Variants in ZNF584 observed in about 807,000 individuals in gnomAD.
ZNF584 encodes zinc finger protein 584.
ZNF584 carries 12 observed loss-of-function variants against 14.7 expected under a neutral mutation model. That is an observed-to-expected ratio of 0.82 (90% CI 0.52 to 1.32). The LOEUF (loss-of-function observed/expected upper bound fraction) is 1.32. Among genes scored for constraint, ZNF584 ranks in the 40% most tolerant of loss-of-function variants. The probability of loss-of-function intolerance (pLI) is 0.00; values close to 1 mark genes in which losing one functional copy is unlikely to be tolerated. For synonymous variants in ZNF584, 204 were observed against 190.9 expected (o/e 1.07, Z -0.57); for missense variants, 478 against 518.8 (o/e 0.92, Z 0.76).
At chr19:58,403,958 CAA>C (rs35295910), upstream of ZNF584, among the ~76,000 whole-genome samples, 42 of 80,050 alleles carry the variant, frequency 5.2e-4, no homozygotes, top group African/African-American at 1.4e-3. Flanking sequence ...AACTCCGTCT[CAA>C]AAAAAAAAAA....
upstream of ZNF584, chr19:58,408,575 G>GC (rs1291738106): frequency 6.6e-6 from 1 of 152,378 alleles, no homozygotes; most frequent in Non-Finnish European, 1.5e-5. Context: ...AGTCTGAACG[G>GC]CCCCACGTCG....
rs772151891 is a variant in ZNF584, at chr19:58,409,126, C to T, written c.-22C>T. 3.2e-5 allele frequency: 47 copies of T among 1,458,530 alleles called. No individual in the cohort carries two copies. In the East Asian group the frequency reaches 6.1e-4, roughly 19 times the overall value. The allele number at this position is 1,458,530 out of a possible 1,614,324, so 90.3% of individuals were successfully genotyped here. On this transcript the variant is annotated 5_prime_UTR_variant, in exon 1 of 4. The change creates a new upstream start codon in the 5' untranslated region. Coordinates refer to ENST00000306910, the MANE Select transcript of ZNF584 (RefSeq NM_173548.3). ...CGGCTGAGGCCGTGGGTCCAGTCCACGGGTTCTGCCCGCACGGTCCAATGG... is the reference window on the plus strand; with the variant it reads ...CGGCTGAGGCCGTGGGTCCAGTCCATGGGTTCTGCCCGCACGGTCCAATGG...
Position 58,417,416 on chromosome 19 carries a change from T to G in ZNF584, c.898T>G (p.Cys300Gly), listed in dbSNP as rs776871177. Residue 300 changes from cysteine to glycine, a missense_variant, in exon 4 of 4, where the codon TGT becomes GGT. By Grantham distance (159) the Cys-to-Gly change is radical. This residue lies in a region of ZNF584 where 283 missense variants were observed against 317.3 expected (regional missense o/e 0.89). Transcript: ENST00000306910. ...GCACATTGGAGAAAGGCCCTATGAGTGTACAGAATGTGGGAAGTTCTTTAA... is the reference window on the plus strand; with the variant it reads ...GCACATTGGAGAAAGGCCCTATGAGGGTACAGAATGTGGGAAGTTCTTTAA... Reference protein sequence around the residue: ...KVHIGERPYECTECGKFFKYN... With the variant: ...KVHIGERPYEGTECGKFFKYN... 6.2e-6 allele frequency: 10 copies of G among 1,603,482 alleles called. No individual in the cohort carries two copies. Among genetic ancestry groups the G allele is most frequent in the Admixed American group, 3.3e-5 (2 of 59,836 alleles).
At chr19:58,407,652 C>T (rs1013740625), upstream of ZNF584, among the ~76,000 whole-genome samples, 1 of 152,226 alleles carries the variant, frequency 6.6e-6, no homozygotes, top group Admixed American at 6.5e-5. Flanking sequence ...TGCCAGTGGT[C>T]TCACCCAGCA....
chr19:58,409,874 C>A, intron 1 of ZNF584, 67 bp from the exon 2 acceptor site: 2 of 1,597,632 alleles, frequency 1.3e-6, no homozygotes. Context: ...AGATACAGGT[C>A]AAGGGCCTGA....
Position 58,409,909 on chromosome 19 carries a change from G to T in ZNF584, c.19-32G>T, listed in dbSNP as rs1419515021. Reference sequence around the variant, plus strand: ...AATGTGTCCATCTGTCCATATTTTGGTTGTTTTTTTCTGCCCATCATTGAC... The same window carrying T: ...AATGTGTCCATCTGTCCATATTTTGTTTGTTTTTTTCTGCCCATCATTGAC... On this transcript the variant is annotated intron_variant, in intron 1 of 3. Transcript: ENST00000306910. 11 of 1,613,992 alleles carry T rather than the reference G, an allele frequency of 6.8e-6. 1 individual carries two copies. In the South Asian group the frequency reaches 9.9e-5, roughly 14 times the overall value.
At chr19:58,409,195 G>GGGGC in intron 1 of ZNF584, 30 bp downstream of exon 1, 1 of 1,410,984 alleles carries the variant, frequency 7.1e-7, no homozygotes, top group South Asian at 1.6e-5. Flanking sequence ...GAGGAATGAG[G>GGGGC]GGGCCCACCA....
At chr19:58,415,701 G>A in intron 3 of ZNF584, 55 bp downstream of exon 3, 2 of 1,608,390 alleles carry the variant, frequency 1.2e-6, no homozygotes, top group Non-Finnish European at 1.7e-6. Context: ...ACAGAATGCT[G>A]AGTACCTGCA....
rs2052500965 is a variant in ZNF584, at chr19:58,408,806, C to T, written c.-342C>T. ...CTCGGCGGGAAGGCTGTCCCGGCGC[C>T]TCAGGCAGCTCTGCGTGGGCCGGGG... On this transcript the variant is annotated 5_prime_UTR_variant, in exon 1 of 4. Coordinates refer to ENST00000306910, the MANE Select transcript of ZNF584 (RefSeq NM_173548.3). 3.8e-6 allele frequency: 1 copy of T among 262,178 alleles called. No homozygotes were observed. The highest frequency in any genetic ancestry group is 2.2e-5 in the African/African-American group (1 of 45,250). The allele number at this position is 262,178 out of a possible 1,614,324, so 16.2% of individuals were successfully genotyped here. A position where few individuals can be genotyped will look rare whatever the true frequency, so the allele number is the denominator to read the frequency against.
intron 1 of ZNF584, 119 bp from the exon 2 acceptor site, chr19:58,409,822 A>T (rs528157859): frequency 3.2e-5 from 39 of 1,235,460 alleles, no homozygotes; most frequent in Non-Finnish European, 4.6e-5. Context: ...TTTAGAGCTC[A>T]TAGGGAAAGA....
chr19:58,409,389 T>C (rs1468448273), intron 1 of ZNF584, among the ~76,000 whole-genome samples: 2 of 152,188 alleles, frequency 1.3e-5, no homozygotes, highest in Admixed American at 6.5e-5. Flanking sequence ...TGGAGACGCA[T>C]GTGCAGAACG....
chr19:58,409,239 A>T, intron 1 of ZNF584, 74 bp downstream of exon 1: 1 of 1,352,514 alleles, frequency 7.4e-7, no homozygotes, highest in Non-Finnish European at 9.6e-7. Flanking sequence ...GCAGAGTTGG[A>T]GGAGGGCAGG....
Position 58,410,533 on chromosome 19 carries a change from A to ATG in ZNF584, c.169+443_169+444insGT, listed in dbSNP as rs1202490420. On this transcript the variant is annotated intron_variant, in intron 2 of 3. Coordinates refer to ENST00000306910, the MANE Select transcript of ZNF584 (RefSeq NM_173548.3). ...CGGTTTGGGAAATATATATATATAT[A>ATG]TATATATATATATATATATATATAT... Among the ~76,000 whole-genome samples, 3 of 21,438 alleles carry ATG rather than the reference A, an allele frequency of 1.4e-4. No homozygotes were observed. In the East Asian group the frequency reaches 2.2e-3, roughly 15 times the overall value. The allele number at this position is 21,438 out of a possible 152,430, so 14.1% of individuals were successfully genotyped here.
intron 2 of ZNF584, among the ~76,000 whole-genome samples, chr19:58,410,641 A>ATATG (rs1367566367): frequency 3.2e-5 from 1 of 30,848 alleles, no homozygotes; most frequent in Non-Finnish European, 5.3e-5. Flanking sequence ...ATGTGTATAT[A>ATATG]TATGTGTATA....
At chr19:58,401,885 C>CAAAAAAAAAAAA (rs781429177) in intron 1 of ZNF584, among the ~76,000 whole-genome samples, 8 of 67,038 alleles carry the variant, frequency 1.2e-4, no homozygotes, top group African/African-American at 5.5e-4. Context: ...TGAGACTCCT[C>CAAAAAAAAAAAA]AAAAAAAAAA....
In ZNF584 at chr19:58,417,406, G is replaced by T. The variant is rs1474185797; in HGVS notation, c.888G>T (p.Arg296Ser). The part of the protein sequence containing the change: ...IRHRKVHIGE[R>S]PYECTECGKF... ...ACCGGAAAGTGCACATTGGAGAAAG[G>T]CCCTATGAGTGTACAGAATGTGGGA... Residue 296 changes from arginine to serine, a missense_variant, in exon 4 of 4, where the codon AGG becomes AGT. By Grantham distance (110) the Arg-to-Ser change is moderately radical. Around this residue, in one of 3 missense-constraint regions of ZNF584, gnomAD observed 283 missense variants for 317.3 expected, o/e 0.89. Transcript: ENST00000306910. The T allele has an allele frequency of 5.0e-6, 8 of 1,603,478 alleles. No individual in the cohort carries two copies. Among genetic ancestry groups the T allele is most frequent in the African/African-American group, 2.7e-5 (2 of 74,492 alleles).
At chr19:58,402,859 T>A (rs2052440818) in intron 1 of ZNF584, among the ~76,000 whole-genome samples, 1 of 143,184 alleles carries the variant, frequency 7.0e-6, no homozygotes, top group African/African-American at 2.6e-5. Flanking sequence ...AGGCCGTAGG[T>A]CTGAATAGAC....
chr19:58,410,686 T>TGTAC (rs1407700219), intron 2 of ZNF584, among the ~76,000 whole-genome samples: 3 of 55,130 alleles, frequency 5.4e-5, no homozygotes, highest in African/African-American at 4.2e-4. Flanking sequence ...TATATATATG[T>TGTAC]ATATATGTAT....
At chr19:58,414,038 G>A (rs949569295) in intron 2 of ZNF584, among the ~76,000 whole-genome samples, 5 of 151,204 alleles carry the variant, frequency 3.3e-5, no homozygotes, top group African/African-American at 1.2e-4. Context: ...CGGCAGGATG[G>A]TCTCAAACTC....
Sources: gnomAD v4.1 joint callset for allele counts (sites outside exome capture counted in the v4.1 genomes callset) on GRCh38, gnomAD v4.1.1 for gene constraint, gnomAD v4.1.1 regional missense constraint, MANE v1.5 for transcripts, NCBI Gene and HGNC (gene_info 2026-07-23, HGNC 2026-07-21) for gene names.